EEPD1: variants seen among roughly 807,000 people sequenced by gnomAD.
EEPD1 encodes endonuclease/exonuclease/phosphatase family domain containing 1.
EEPD1 carries 17 observed loss-of-function variants against 46.3 expected under a neutral mutation model. The observed-to-expected ratio is 0.37, with a 90% CI of 0.25 to 0.55. EEPD1 has a LOEUF of 0.55. Ranked by LOEUF, EEPD1 falls within the 20% of genes least tolerant of loss-of-function variation. The pLI is 0.83. For missense variants in EEPD1, 673 were observed against 745.6 expected, an observed-to-expected ratio of 0.90 and a Z score of 1.13; for synonymous variants, 313 against 315.6, an observed-to-expected ratio of 0.99 and a Z score of 0.09.
At chr7:36,206,409 A>G (rs1239543233) in intron 2 of EEPD1, among the ~76,000 whole-genome samples, 2 of 151,884 alleles carry the variant, frequency 1.3e-5, no homozygotes, top group Non-Finnish European at 2.9e-5. Flanking sequence ...TATGAAAACT[A>G]TTAAGGAAAT....
chr7:36,260,583 G>T (rs1371551173), intron 3 of EEPD1, among the ~76,000 whole-genome samples: 1 of 152,142 alleles, frequency 6.6e-6, no homozygotes, highest in Non-Finnish European at 1.5e-5. Flanking sequence ...TTTGTTTGAG[G>T]GGATTTCTAA....
intron 2 of EEPD1, among the ~76,000 whole-genome samples, chr7:36,227,489 A>G (rs76365661): frequency 1.3e-5 from 2 of 152,306 alleles, no homozygotes; most frequent in East Asian, 3.9e-4. Context: ...GGGCGTGTCC[A>G]CTGATGTGCA....
At chr7:36,273,773 A>G (rs1176262685) in intron 3 of EEPD1, among the ~76,000 whole-genome samples, 1 of 152,162 alleles carries the variant, frequency 6.6e-6, no homozygotes, top group Admixed American at 6.5e-5. Flanking sequence ...AAAGATGTTC[A>G]GTGATGTGTG....
Position 36,262,570 on chromosome 7 carries a change from C to G in EEPD1, c.931-18545C>G, listed in dbSNP as rs77915926. ...GGCATGCATTCAGGGGGTTGTGTCT[C>G]GTCTCCCCTGATTCTTCTCTTGGAG... is the stretch of plus-strand genomic sequence containing the variant. On this transcript the variant is annotated intron_variant, in intron 3 of 7. Transcript: ENST00000242108. Among the ~76,000 whole-genome samples the G allele has an allele frequency of 5.9e-5, 9 of 152,276 alleles. No homozygotes were observed. The East Asian group carries it at 1.7e-3, about 29-fold the overall frequency.
intron 3 of EEPD1, among the ~76,000 whole-genome samples, chr7:36,262,307 G>C (rs1786940848): frequency 6.6e-6 from 1 of 152,112 alleles, no homozygotes; most frequent in Non-Finnish European, 1.5e-5. Context: ...GTTAGTAATG[G>C]TGAATCCATA....
At position 36,287,752 on chromosome 7, in the gene EEPD1, A is replaced by G. The variant is rs750801198; in HGVS notation, c.1290A>G (p.Ala430=). The G allele has an allele frequency of 7.4e-6, 12 of 1,614,124 alleles. No homozygotes were observed. Among genetic ancestry groups the G allele is most frequent in the Admixed American group, 1.7e-5 (1 of 60,016 alleles). The change falls in exon 6 of 8, where the codon GCA becomes GCG. Residue 430 remains alanine (A), a synonymous_variant. Coordinates refer to ENST00000242108, the MANE Select transcript of EEPD1 (RefSeq NM_030636.3). ...HSDGHRLASF[A]QTLQETLKGE... is the part of the protein sequence containing the mutation. ...ATGGCCACCGGTTGGCGAGCTTTGC[A>G]CAGACCCTACAGGAAACCCTGAAAG...
In EEPD1 at chr7:36,284,827, G is replaced by A. The variant is rs13232200; in HGVS notation, c.1176+7G>A. ...ATACCTCGGGAGGTTCAAGGTACCC[G>A]CTCCACGCCGTCTGTGACGTGGAAT... On this transcript the variant is annotated splice_region_variant and intron_variant, in intron 5 of 7. Coordinates refer to ENST00000242108, the MANE Select transcript of EEPD1 (RefSeq NM_030636.3). The A allele has an allele frequency of 0.54, 797,164 of 1,480,300 alleles. 223,122 individuals carry two copies. Among genetic ancestry groups the A allele is most frequent in the Non-Finnish European group, 0.58 (647,131 of 1,113,354 alleles). The allele number at this position is 1,480,300 out of a possible 1,614,324, so 91.7% of individuals were successfully genotyped here.
chr7:36,280,649 G>A (rs754277486), intron 3 of EEPD1, among the ~76,000 whole-genome samples: 2 of 152,204 alleles, frequency 1.3e-5, no homozygotes, highest in East Asian at 1.9e-4. Context: ...CAAGCACTAC[G>A]GTGGTTCAAG....
At chr7:36,280,227 C>T (rs1378763923) in intron 3 of EEPD1, among the ~76,000 whole-genome samples, 3 of 152,096 alleles carry the variant, frequency 2.0e-5, no homozygotes, top group African/African-American at 7.2e-5. Flanking sequence ...GAGCAGCTGG[C>T]GACGGGTACA....
chr7:36,157,442 G>A (rs751420141), intron 2 of EEPD1, among the ~76,000 whole-genome samples: 3 of 152,184 alleles, frequency 2.0e-5, no homozygotes, highest in Non-Finnish European at 2.9e-5. Context: ...GAGACCTCAC[G>A]ACTCTTGTCC....
intron 2 of EEPD1, among the ~76,000 whole-genome samples, chr7:36,200,224 A>G (rs1003167830): frequency 7.2e-5 from 11 of 152,098 alleles, no homozygotes; most frequent in Non-Finnish European, 1.6e-4. Flanking sequence ...AAGTGAGAAC[A>G]TGTGGTATTT....
intron 3 of EEPD1, among the ~76,000 whole-genome samples, chr7:36,242,957 T>C (rs955630311): frequency 2.0e-5 from 3 of 152,130 alleles, no homozygotes; most frequent in Non-Finnish European, 2.9e-5. Flanking sequence ...CCAGTTGATA[T>C]GCTGGAATAA....
At chr7:36,233,897 T>G (rs1206174423) in intron 2 of EEPD1, among the ~76,000 whole-genome samples, 1 of 152,134 alleles carries the variant, frequency 6.6e-6, no homozygotes, top group African/African-American at 2.4e-5. Flanking sequence ...GTTTTGTTTT[T>G]TGGTGGGTTT....
intron 2 of EEPD1, among the ~76,000 whole-genome samples, chr7:36,232,768 G>A (rs370010886): frequency 4.0e-5 from 6 of 151,716 alleles, no homozygotes; most frequent in East Asian, 1.9e-4. Context: ...TGTGCCAGGT[G>A]TGTTCTAGAG....
At chr7:36,196,804 C>T (rs1159364287) in intron 2 of EEPD1, among the ~76,000 whole-genome samples, 6 of 152,182 alleles carry the variant, frequency 3.9e-5, no homozygotes, top group African/African-American at 9.7e-5. Context: ...CCCCAAAGTG[C>T]GAAGATTGCA....
chr7:36,221,269 T>TG (rs1363084845), intron 2 of EEPD1, among the ~76,000 whole-genome samples: 3 of 152,238 alleles, frequency 2.0e-5, no homozygotes, highest in African/African-American at 7.2e-5. Flanking sequence ...TTAATAAACT[T>TG]GCATTTTGAA....
rs1283308492 is a variant in EEPD1 at position 36,188,187 on chromosome 7, G to GTCTCTTTCTCTATCTTACTC, written c.878+32997_878+33016dup. ...CCAATATTCAATGGTTGGTCTATGA[G>GTCTCTTTCTCTATCTTACTC]TCTCTTTCTCTATCTTACTCTCTCT... On this transcript the variant is annotated intron_variant, in intron 2 of 7. Transcript: ENST00000242108. Among the ~76,000 whole-genome samples the GTCTCTTTCTCTATCTTACTC allele has an allele frequency of 7.9e-5, 12 of 152,100 alleles. No individual in the cohort carries two copies. The South Asian group carries it at 1.7e-3, about 21-fold the overall frequency.
At chr7:36,240,815 T>C (rs1786544055) in intron 3 of EEPD1, among the ~76,000 whole-genome samples, 1 of 152,114 alleles carries the variant, frequency 6.6e-6, no homozygotes, top group Admixed American at 6.5e-5. Flanking sequence ...GGGGGGATGG[T>C]TTCAGGATGA....
intron 6 of EEPD1, among the ~76,000 whole-genome samples, chr7:36,289,558 G>A (rs1787394068): frequency 1.3e-5 from 2 of 152,148 alleles, no homozygotes; most frequent in South Asian, 4.1e-4. Flanking sequence ...GCAGAGGCAC[G>A]ATCTCGGCTC....
Sources: allele counts gnomAD v4.1 joint callset (sites outside exome capture counted in the v4.1 genomes callset), GRCh38; gene constraint gnomAD v4.1.1; transcripts MANE v1.5; gene names NCBI Gene and HGNC (gene_info 2026-07-23, HGNC 2026-07-21).